GDA: variants seen among roughly 807,000 people sequenced by gnomAD.
GDA encodes cytoplasmic PSD-95 interactor.
Under a neutral mutation model 59.6 loss-of-function variants are expected in GDA, and 18 were observed. The ratio of observed to expected loss-of-function variants is 0.30; its 90% CI spans 0.21 to 0.45. GDA has a LOEUF of 0.45. Ranked by LOEUF, GDA falls within the 20% of genes least tolerant of loss-of-function variation. The probability of loss-of-function intolerance (pLI) is 1.00; values close to 1 mark genes in which losing one functional copy is unlikely to be tolerated. For synonymous variants in GDA, 201 were observed against 201.1 expected (o/e 1.00, Z 0.00); for missense variants, 427 against 552.3 (o/e 0.77, Z 2.27).
At chr9:72,176,073 C>T (rs1290287198) in intron 1 of GDA, among the ~76,000 whole-genome samples, 2 of 152,142 alleles carry the variant, frequency 1.3e-5, no homozygotes, top group Non-Finnish European at 2.9e-5. Flanking sequence ...GGCTTGAGCT[C>T]AGGAGGTAAG....
At chr9:72,230,083 A>G (rs543428830) in intron 9 of GDA, among the ~76,000 whole-genome samples, 1 of 152,332 alleles carries the variant, frequency 6.6e-6, no homozygotes, top group South Asian at 2.1e-4. Context: ...GAGATTTATT[A>G]TGTATGCACC....
chr9:72,200,094 T>C (rs1182251336), intron 2 of GDA, among the ~76,000 whole-genome samples: 1 of 150,996 alleles, frequency 6.6e-6, no homozygotes, highest in Non-Finnish European at 1.5e-5. Flanking sequence ...GCCTCCCGTG[T>C]TCACGCCATT....
chr9:72,205,110 CA>C (rs71357549), intron 3 of GDA, among the ~76,000 whole-genome samples: 1,727 of 86,108 alleles, frequency 0.02, 17 homozygotes, highest in African/African-American at 0.073. Flanking sequence ...GACTCTGTCT[CA>C]AAAAAAAAAA....
intron 1 of GDA, among the ~76,000 whole-genome samples, chr9:72,139,254 G>A (rs12340624): frequency 0.13 from 20,017 of 152,066 alleles, 2,831 homozygotes; most frequent in African/African-American, 0.36. Context: ...GATGACATGA[G>A]GAATGGGTAA....
intron 1 of GDA, among the ~76,000 whole-genome samples, chr9:72,141,942 G>A (rs759459789): frequency 2.6e-5 from 4 of 152,220 alleles, no homozygotes; most frequent in East Asian, 1.9e-4. Context: ...GTGGCTTCCC[G>A]ACTCTACTTC....
At chr9:72,231,297 C>G in intron 10 of GDA, 116 bp downstream of exon 10, 1 of 653,876 alleles carries the variant, frequency 1.5e-6, no homozygotes, top group Admixed American at 2.3e-5. Context: ...TAGTTTTGGG[C>G]CGGGCACGGT....
intron 9 of GDA, among the ~76,000 whole-genome samples, chr9:72,229,616 G>T (rs1246371829): frequency 6.6e-6 from 1 of 152,190 alleles, no homozygotes; most frequent in Admixed American, 6.5e-5. Context: ...GGGCAGAGTG[G>T]AGAAGAGTAT....
At position 72,220,045 on chromosome 9, in the gene GDA, A is replaced by C. The variant is rs142731010; in HGVS notation, c.606+539A>C. Among the ~76,000 whole-genome samples, 447 of 152,342 alleles carry C rather than the reference A, an allele frequency of 2.9e-3. 2 individuals are homozygous for C. Among genetic ancestry groups the C allele is most frequent in the African/African-American group, 0.01 (436 of 41,586 alleles). On this transcript the variant is annotated intron_variant, in intron 6 of 13. Coordinates refer to ENST00000358399, the MANE Select transcript of GDA (RefSeq NM_004293.5). ...AACTTAAGTGTCTGTAGACAGACAA[A>C]TAAAGAAAATGCAGTGTATATGTCT...
intron 1 of GDA, among the ~76,000 whole-genome samples, chr9:72,119,813 A>G (rs1825598526): frequency 6.6e-6 from 1 of 152,246 alleles, no homozygotes; most frequent in Non-Finnish European, 1.5e-5. Flanking sequence ...CAAAGTAAGC[A>G]CAGAGAACCA....
chr9:72,190,247 C>T (rs1832366951), intron 1 of GDA, among the ~76,000 whole-genome samples: 1 of 152,158 alleles, frequency 6.6e-6, no homozygotes, highest in Admixed American at 6.5e-5. Flanking sequence ...CTGCCTCAGC[C>T]TCCCAAGTAG....
chr9:72,217,929 T>A (rs1387299560), intron 5 of GDA, among the ~76,000 whole-genome samples: 1 of 152,150 alleles, frequency 6.6e-6, no homozygotes, highest in Non-Finnish European at 1.5e-5. Flanking sequence ...TTTATTTTTT[T>A]TTTAGATGGA....
rs1840444434 is a variant in GDA, at chr9:72,249,146, G to A, written c.*804G>A. 2.0e-6 allele frequency: 2 copies of A among 980,312 alleles called. No homozygotes were observed. The highest frequency in any genetic ancestry group is 1.2e-6 in the Non-Finnish European group (1 of 825,202). 60.7% of individuals were successfully genotyped at this position (980,312 alleles called of 1,614,324 possible). On this transcript the variant is annotated 3_prime_UTR_variant, in exon 14 of 14. Transcript: ENST00000358399. ...CTTTAAAATCAACTTATAACTGTGA[G>A]ATGTTATTGCTTCCATTTTATTAGA...
intron 1 of GDA, among the ~76,000 whole-genome samples, chr9:72,139,617 C>T (rs970358720): frequency 5.3e-5 from 8 of 151,862 alleles, no homozygotes; most frequent in African/African-American, 1.2e-4. Flanking sequence ...GACAAGAGTT[C>T]GGGACCAGAT....
chr9:72,259,631 G>A (rs111488818), downstream of GDA, among the ~76,000 whole-genome samples: 3,840 of 152,222 alleles, frequency 0.025, 71 homozygotes, highest in Non-Finnish European at 0.039. Context: ...CTTGAGACAC[G>A]GCCTAAGTCT....
chr9:72,254,130 G>A (rs1840834251), downstream of GDA, among the ~76,000 whole-genome samples: 1 of 152,098 alleles, frequency 6.6e-6, no homozygotes, highest in Non-Finnish European at 1.5e-5. Context: ...TTTAAAACAG[G>A]ATAAAAGGGA....
At chr9:72,229,044 C>T (rs1166127583) in intron 9 of GDA, 2 of 151,748 alleles carry the variant, frequency 1.3e-5, no homozygotes, top group African/African-American at 2.4e-5. Context: ...TCTCAGAAAA[C>T]AACTTCAGGG....
At chr9:72,235,918 A>T (rs1233449093) in intron 10 of GDA, among the ~76,000 whole-genome samples, 1 of 152,146 alleles carries the variant, frequency 6.6e-6, no homozygotes, top group Non-Finnish European at 1.5e-5. Context: ...ACTAAACAAG[A>T]CCTATAAACT....
chr9:72,147,582 A>G (rs1182173464), upstream of GDA, among the ~76,000 whole-genome samples: 1 of 152,114 alleles, frequency 6.6e-6, no homozygotes, highest in Admixed American at 6.6e-5. Context: ...TGTTCTATCA[A>G]GTAGATATAT....
chr9:72,115,752 C>G (rs1220013567), intron 1 of GDA, among the ~76,000 whole-genome samples: 1 of 152,098 alleles, frequency 6.6e-6, no homozygotes, highest in Admixed American at 6.6e-5. Flanking sequence ...TAAATTGATC[C>G]TAAGTAAACT....
Sources: allele counts gnomAD v4.1 joint callset (sites outside exome capture counted in the v4.1 genomes callset), GRCh38; gene constraint gnomAD v4.1.1; transcripts MANE v1.5; gene names NCBI Gene and HGNC (gene_info 2026-07-23, HGNC 2026-07-21).